CALD1: variants seen among roughly 807,000 people sequenced by gnomAD.
CALD1 encodes the protein caldesmon.
In CALD1, 33 loss-of-function variants were observed where a neutral mutation model predicts 99.9. The ratio of observed to expected loss-of-function variants is 0.33; its 90% CI spans 0.25 to 0.44. The LOEUF is 0.44. CALD1 is among the 20% of genes least tolerant of loss of function. The pLI is 1.00. For synonymous variants in CALD1, 310 were observed against 325.0 expected (o/e 0.95, Z 0.50); for missense variants, 861 against 962.1 (o/e 0.89, Z 1.39).
the CALD1 span, among the ~76,000 whole-genome samples, chr7:134,728,271 C>G: frequency 6.6e-6 from 1 of 152,254 alleles, no homozygotes; most frequent in Non-Finnish European, 1.5e-5. Flanking sequence ...ATGAACGATT[C>G]ACGAATCGGT....
At chr7:134,796,652 C>T (rs536530413) in intron 1 of CALD1, among the ~76,000 whole-genome samples, 1 of 152,230 alleles carries the variant, frequency 6.6e-6, no homozygotes, top group East Asian at 1.9e-4. Flanking sequence ...GTGGTGCAAT[C>T]ATAGCTCACT....
the CALD1 span, among the ~76,000 whole-genome samples, chr7:134,738,367 G>A: frequency 4.6e-5 from 7 of 152,180 alleles, no homozygotes; most frequent in Non-Finnish European, 8.8e-5. Context: ...ACAAAAGGCA[G>A]AGTTTCCCAG....
At chr7:134,872,586 T>C (rs1038653620) in intron 3 of CALD1, among the ~76,000 whole-genome samples, 1 of 152,002 alleles carries the variant, frequency 6.6e-6, no homozygotes, top group African/African-American at 2.4e-5. Context: ...TACCGAACCA[T>C]AGGAATCAGT....
chr7:134,834,110 A>G lies in CALD1; in HGVS notation c.-129-9774A>G, dbSNP rs144346285. 2.6e-4 allele frequency among the ~76,000 whole-genome samples: 40 copies of G among 152,362 alleles called. 2 individuals are homozygous for G. The East Asian group carries it at 5.8e-3, about 22-fold the overall frequency. ...CTGATGATACGTCAGAGTAGCAACA[A>G]TACTGTGATCAGAACTCCACATAGA... On this transcript the variant is annotated intron_variant, in intron 1 of 14. Coordinates refer to ENST00000361675, the MANE Select transcript of CALD1 (RefSeq NM_033138.4).
At chr7:134,767,725 C>G (rs1017475277) in intron 1 of CALD1, among the ~76,000 whole-genome samples, 1 of 152,184 alleles carries the variant, frequency 6.6e-6, no homozygotes, top group African/African-American at 2.4e-5. Context: ...TGGTCTCTCT[C>G]AGGACTTGCC....
intron 1 of CALD1, among the ~76,000 whole-genome samples, chr7:134,745,305 T>C (rs1342854587): frequency 2.0e-5 from 3 of 152,256 alleles, no homozygotes; most frequent in Non-Finnish European, 4.4e-5. Flanking sequence ...TAGAGTTTAA[T>C]GGTTTAAGCA....
chr7:134,871,902 T>C (rs1801099782), intron 3 of CALD1, among the ~76,000 whole-genome samples: 2 of 152,260 alleles, frequency 1.3e-5, no homozygotes, highest in African/African-American at 4.8e-5. Context: ...TTTCAAAGAC[T>C]ATTTTGCAAG....
intron 1 of CALD1, among the ~76,000 whole-genome samples, chr7:134,750,661 C>CAAAT (rs1796678531): frequency 6.6e-6 from 1 of 152,124 alleles, no homozygotes; most frequent in Non-Finnish European, 1.5e-5. Flanking sequence ...GCATATCCAC[C>CAAAT]AAATTCTCTA....
chr7:134,887,505 A>G (rs1263544948), intron 3 of CALD1, among the ~76,000 whole-genome samples: 1 of 152,048 alleles, frequency 6.6e-6, no homozygotes, highest in Non-Finnish European at 1.5e-5. Context: ...TACTACTCGA[A>G]CTGTTGCCTC....
At chr7:134,883,394 G>A (rs1801698418) in intron 3 of CALD1, among the ~76,000 whole-genome samples, 1 of 151,652 alleles carries the variant, frequency 6.6e-6, no homozygotes, top group African/African-American at 2.4e-5. Context: ...TGTTGTTGTT[G>A]TCTTCATAAT....
chr7:134,807,475 C>A (rs1211902361), intron 1 of CALD1, among the ~76,000 whole-genome samples: 1 of 152,218 alleles, frequency 6.6e-6, no homozygotes, highest in Non-Finnish European at 1.5e-5. Context: ...CTCCTACCCT[C>A]ACCCCACTCC....
At chr7:134,882,865 A>C (rs1801670811) in intron 3 of CALD1, among the ~76,000 whole-genome samples, 1 of 152,270 alleles carries the variant, frequency 6.6e-6, no homozygotes, top group Admixed American at 6.5e-5. Flanking sequence ...AGAAGAAAGT[A>C]ATACATTAGA....
In CALD1 at chr7:134,950,561, G is replaced by A. The variant is rs371858894; in HGVS notation, c.1935+47G>A. ...TTCTATTAGAATATGATAGAGACTGGATTTTAGCCCCTTGTTTAGTTATTG... is the reference window on the plus strand; with the variant it reads ...TTCTATTAGAATATGATAGAGACTGAATTTTAGCCCCTTGTTTAGTTATTG... On this transcript the variant is annotated intron_variant, in intron 9 of 14. Coordinates refer to ENST00000361675, the MANE Select transcript of CALD1 (RefSeq NM_033138.4). The A allele has an allele frequency of 2.0e-6, 3 of 1,489,506 alleles. No homozygotes were observed. The African/African-American group carries it at 4.2e-5, about 21-fold the overall frequency. The allele number at this position is 1,489,506 out of a possible 1,614,324, so 92.3% of individuals were successfully genotyped here. A position where few individuals can be genotyped will look rare whatever the true frequency, so the allele number is the denominator to read the frequency against.
intron 6 of CALD1, among the ~76,000 whole-genome samples, chr7:134,937,474 A>T (rs1034124807): frequency 2.0e-5 from 3 of 152,102 alleles, no homozygotes; most frequent in Non-Finnish European, 2.9e-5. Context: ...ACCCCAATCT[A>T]TATTCCTTTT....
intron 1 of CALD1, among the ~76,000 whole-genome samples, chr7:134,749,870 A>G (rs979361985): frequency 2.6e-4 from 40 of 152,188 alleles, no homozygotes; most frequent in African/African-American, 9.7e-4. Context: ...AGGGATACAC[A>G]AAACAGGTTC....
intron 1 of CALD1, among the ~76,000 whole-genome samples, chr7:134,838,619 A>G (rs1164409476): frequency 2.6e-5 from 4 of 152,268 alleles, no homozygotes; most frequent in African/African-American, 9.6e-5. Context: ...ATATATGGAA[A>G]GTTCACTAAG....
At position 134,934,062 on chromosome 7, in the gene CALD1, T is replaced by C; in HGVS notation, c.1293T>C (p.Ala431=). Reference sequence around the variant, plus strand: ...CACAAGAAGATAAACTTCAGACAGCTGTCCTAAAGAAACAGGTACAGTAAA... The same window carrying C: ...CACAAGAAGATAAACTTCAGACAGCCGTCCTAAAGAAACAGGTACAGTAAA... ...KKAQEDKLQT[A]VLKKQGEEKG... Residue 431 remains alanine (A), a synonymous_variant, in exon 5 of 15, where the codon GCT becomes GCC. Transcript: ENST00000361675. The C allele has an allele frequency of 1.2e-6, 2 of 1,608,132 alleles. No individual in the cohort carries two copies. Among genetic ancestry groups the C allele is most frequent in the South Asian group, 1.1e-5 (1 of 90,194 alleles).
chr7:134,726,975 A>G, the CALD1 span, among the ~76,000 whole-genome samples: 9 of 152,064 alleles, frequency 5.9e-5, no homozygotes, highest in African/African-American at 2.2e-4. Context: ...ACTGCCGCCA[A>G]CCTCCAGAAA....
intron 1 of CALD1, chr7:134,744,397 G>C (rs1296158713): frequency 6.6e-6 from 1 of 151,596 alleles, no homozygotes; most frequent in African/African-American, 2.4e-5. Context: ...CAGAAGTCTT[G>C]CCTCTTTAAA....
Sources: allele counts gnomAD v4.1 joint callset (sites outside exome capture counted in the v4.1 genomes callset), GRCh38; gene constraint gnomAD v4.1.1; transcripts MANE v1.5; gene names NCBI Gene and HGNC (gene_info 2026-07-23, HGNC 2026-07-21).